NIBAN1: variants seen among roughly 807,000 people sequenced by gnomAD.
The protein encoded by NIBAN1 is niban apoptosis regulator 1, also known as protein Niban 1.
In NIBAN1, 81 loss-of-function variants were observed where a neutral mutation model predicts 75.1. The ratio of observed to expected loss-of-function variants is 1.08; its 90% CI spans 0.90 to 1.30. NIBAN1 has a LOEUF of 1.30. Among genes scored for constraint, NIBAN1 ranks in the 50% most tolerant of loss-of-function variants. The pLI is 0.00. For synonymous variants in NIBAN1, 436 were observed against 424.8 expected (o/e 1.03, Z -0.32); for missense variants, 1,133 against 1,128.1 (o/e 1.00, Z -0.06).
chr1:184,821,898 C>G (rs1654712714), intron 8 of NIBAN1, among the ~76,000 whole-genome samples: 1 of 152,136 alleles, frequency 6.6e-6, no homozygotes, highest in South Asian at 2.1e-4. Flanking sequence ...AGTGCTGGAG[C>G]TGTGCCTCCT....
At chr1:184,941,950 G>C (rs994040445) in intron 1 of NIBAN1, among the ~76,000 whole-genome samples, 3 of 152,170 alleles carry the variant, frequency 2.0e-5, no homozygotes, top group African/African-American at 7.2e-5. Flanking sequence ...AAATTTTTCG[G>C]CCACTCATTC....
intron 5 of NIBAN1, among the ~76,000 whole-genome samples, chr1:184,833,352 A>C (rs1398399466): frequency 1.3e-5 from 2 of 151,412 alleles, no homozygotes; most frequent in Non-Finnish European, 2.9e-5. Flanking sequence ...ACAAGAGTTC[A>C]AGCAAAACTA....
intron 5 of NIBAN1, among the ~76,000 whole-genome samples, chr1:184,867,033 G>T (rs1168394667): frequency 6.6e-6 from 1 of 152,068 alleles, no homozygotes; most frequent in Non-Finnish European, 1.5e-5. Context: ...TACTAAATAT[G>T]ATGACTTACA....
In NIBAN1 at chr1:184,795,831, G is replaced by T; in HGVS notation, c.1933C>A (p.Pro645Thr). The T allele has an allele frequency of 1.2e-6, 2 of 1,609,634 alleles. No individual in the cohort carries two copies. The highest frequency in any genetic ancestry group is 4.5e-5 in the East Asian group (2 of 44,814). Residue 645 changes from proline (P) to threonine (T), a missense_variant, in exon 14 of 14, where the codon CCA (proline) becomes ACA (threonine). Coordinates refer to ENST00000367511, the MANE Select transcript of NIBAN1 (RefSeq NM_052966.4). ...AKGESLSLPGPSPPPDGTEQV... is the reference protein window; with the variant it reads ...AKGESLSLPGTSPPPDGTEQV... ...TCAGTCCCATCTGGGGGTGGGCTTG[G>T]CCCAGGGAGAGAAAGGCTTTCTCCT...
intron 1 of NIBAN1, among the ~76,000 whole-genome samples, chr1:184,962,995 AC>A (rs1658690626): frequency 6.6e-6 from 1 of 152,144 alleles, no homozygotes; most frequent in Non-Finnish European, 1.5e-5. Context: ...TTAGAATATC[AC>A]CATTTTTCAA....
chr1:184,794,556 A>T lies in NIBAN1; in HGVS notation c.*421T>A, dbSNP rs1424767398. Reference sequence around the variant, plus strand: ...GGTGAAGTAGGCATAGTAGATAGTAAAGGTAGACTTACAGTATACATTTGC... The same window carrying T: ...GGTGAAGTAGGCATAGTAGATAGTATAGGTAGACTTACAGTATACATTTGC... On this transcript the variant is annotated 3_prime_UTR_variant, in exon 14 of 14. Coordinates refer to ENST00000367511, the MANE Select transcript of NIBAN1 (RefSeq NM_052966.4). 2 of 296,930 alleles carry T rather than the reference A, an allele frequency of 6.7e-6. No homozygotes were observed. The highest frequency in any genetic ancestry group is 1.3e-5 in the Non-Finnish European group (2 of 154,042). The allele number at this position is 296,930 out of a possible 1,614,324, so 18.4% of individuals were successfully genotyped here. A position where few individuals can be genotyped will look rare whatever the true frequency, so the allele number is the denominator to read the frequency against.
intron 1 of NIBAN1, among the ~76,000 whole-genome samples, chr1:184,919,080 T>C (rs1205357274): frequency 1.3e-5 from 2 of 152,248 alleles, no homozygotes; most frequent in Non-Finnish European, 2.9e-5. Flanking sequence ...TATTATTCCT[T>C]CATTAGAGAA....
chr1:184,919,804 C>T (rs1352092221), intron 1 of NIBAN1, among the ~76,000 whole-genome samples: 1 of 151,780 alleles, frequency 6.6e-6, no homozygotes, highest in Non-Finnish European at 1.5e-5. Context: ...ATATACAATG[C>T]CTTCTATGAG....
chr1:184,834,407 A>G (rs907979472), intron 5 of NIBAN1, among the ~76,000 whole-genome samples: 2 of 152,176 alleles, frequency 1.3e-5, no homozygotes, highest in African/African-American at 4.8e-5. Flanking sequence ...TGGTATTCCT[A>G]GTTCTAGATC....
At chr1:184,974,113 C>T (rs1192732144) in intron 1 of NIBAN1, among the ~76,000 whole-genome samples, 189 bp downstream of exon 1, 1 of 152,108 alleles carries the variant, frequency 6.6e-6, no homozygotes, top group Non-Finnish European at 1.5e-5. Context: ...TCCCGGTCCC[C>T]GGTCCACACC....
At chr1:184,890,301 G>A in intron 3 of NIBAN1, 79 bp from the exon 4 acceptor site, 1 of 914,072 alleles carries the variant, frequency 1.1e-6, no homozygotes, top group Non-Finnish European at 1.8e-6. Flanking sequence ...ATAACAAATA[G>A]ACAGATTCAG....
intron 5 of NIBAN1, among the ~76,000 whole-genome samples, chr1:184,865,058 G>A (rs1326165283): frequency 6.6e-6 from 1 of 150,658 alleles, no homozygotes; most frequent in Non-Finnish European, 1.5e-5. Context: ...ATCACAATGT[G>A]ATACCATCTC....
At position 184,796,109 on chromosome 1, in the gene NIBAN1, C is replaced by T. The variant is rs1270662471; in HGVS notation, c.1667-12G>A. The T allele has an allele frequency of 6.7e-7, 1 of 1,493,286 alleles. No individual in the cohort carries two copies. The highest frequency in any genetic ancestry group is 8.9e-7 in the Non-Finnish European group (1 of 1,126,952). The allele number at this position is 1,493,286 out of a possible 1,614,324, so 92.5% of individuals were successfully genotyped here. A position where few individuals can be genotyped will look rare whatever the true frequency, so the allele number is the denominator to read the frequency against. On this transcript the variant is annotated splice_polypyrimidine_tract_variant and intron_variant, in intron 13 of 13. Coordinates refer to ENST00000367511, the MANE Select transcript of NIBAN1 (RefSeq NM_052966.4). ...AGCTTCCTTTATCACTGAGAGATAT[C>T]AGAAAACAAAACATGATTTTCTGAT...
chr1:184,923,937 ATTTG>A (rs1571577469), intron 1 of NIBAN1, among the ~76,000 whole-genome samples: 1 of 150,512 alleles, frequency 6.6e-6, no homozygotes. Context: ...ACTTTACTGA[ATTTG>A]TTTATCAGTT....
chr1:184,942,739 G>T (rs1445082198), intron 1 of NIBAN1, among the ~76,000 whole-genome samples: 9 of 149,744 alleles, frequency 6.0e-5, no homozygotes, highest in Non-Finnish European at 1.3e-4. Flanking sequence ...CCTGGACGCT[G>T]CCTGCTGATG....
At chr1:184,884,458 C>A (rs901024763) in intron 5 of NIBAN1, among the ~76,000 whole-genome samples, 175 bp downstream of exon 5, 24 of 152,132 alleles carry the variant, frequency 1.6e-4, no homozygotes, top group African/African-American at 5.6e-4. Flanking sequence ...AACTCCTGAC[C>A]TTGTGATTTG....
intron 6 of NIBAN1, among the ~76,000 whole-genome samples, chr1:184,825,280 T>A (rs543143663): frequency 6.6e-6 from 1 of 152,324 alleles, no homozygotes; most frequent in African/African-American, 2.4e-5. Context: ...AAGATTTCAC[T>A]GGGTTTTATA....
chr1:184,923,941 G>C (rs1225110021), intron 1 of NIBAN1, among the ~76,000 whole-genome samples: 2 of 146,888 alleles, frequency 1.4e-5, no homozygotes, highest in Non-Finnish European at 3.0e-5. Context: ...TACTGAATTT[G>C]TTTATCAGTT....
At chr1:184,925,846 C>T (rs1257411808) in intron 1 of NIBAN1, among the ~76,000 whole-genome samples, 1 of 152,150 alleles carries the variant, frequency 6.6e-6, no homozygotes, top group East Asian at 1.9e-4. Flanking sequence ...AGTCTTTCTA[C>T]TCAAGACGTG....
Sources: gnomAD v4.1 joint callset for allele counts (sites outside exome capture counted in the v4.1 genomes callset) on GRCh38, gnomAD v4.1.1 for gene constraint, MANE v1.5 for transcripts, NCBI Gene and HGNC (gene_info 2026-07-23, HGNC 2026-07-21) for gene names.